ABL2: variants seen among roughly 807,000 people sequenced by gnomAD.
ABL2 encodes the protein ABL proto-oncogene 2, non-receptor tyrosine kinase.
In ABL2, 49 loss-of-function variants were observed where a neutral mutation model predicts 107.7. The ratio of observed to expected loss-of-function variants is 0.45; its 90% CI spans 0.36 to 0.58. The LOEUF (loss-of-function observed/expected upper bound fraction) is 0.58, where lower values mean the gene tolerates loss of function less well. Ranked by LOEUF, ABL2 falls within the 20% of genes least tolerant of loss-of-function variation. ABL2 has a pLI of 0.00. For missense variants in ABL2, 1,245 were observed against 1,457.0 expected, an observed-to-expected ratio of 0.85 and a Z score of 2.37; for synonymous variants, 549 against 548.6, an observed-to-expected ratio of 1.00 and a Z score of -0.01.
chr1:179,122,856 C>T (rs1383965798), intron 4 of ABL2, among the ~76,000 whole-genome samples: 1 of 152,002 alleles, frequency 6.6e-6, no homozygotes, highest in African/African-American at 2.4e-5. Context: ...GATGGGGTTT[C>T]ACCATGTTAG....
chr1:179,193,492 C>T (rs1228989012), intron 1 of ABL2, among the ~76,000 whole-genome samples: 1 of 151,750 alleles, frequency 6.6e-6, no homozygotes, highest in Non-Finnish European at 1.5e-5. Context: ...GCAACCTCTG[C>T]CTCCTGGGTT....
chr1:179,174,998 T>A (rs372033198), intron 1 of ABL2, among the ~76,000 whole-genome samples: 1 of 151,336 alleles, frequency 6.6e-6, no homozygotes, highest in Non-Finnish European at 1.5e-5. Flanking sequence ...AGGGTGCTTA[T>A]CCCCTGATCT....
intron 1 of ABL2, among the ~76,000 whole-genome samples, chr1:179,205,218 G>T (rs569099363): frequency 1.3e-5 from 2 of 152,072 alleles, no homozygotes; most frequent in East Asian, 3.9e-4. Flanking sequence ...GTAGAGACGG[G>T]GTTTCACCAT....
rs77522004 is a variant in ABL2, at chr1:179,150,947, A to G, written c.158-17573T>C. On this transcript the variant is annotated intron_variant, in intron 1 of 11. Transcript: ENST00000502732. ...TGGGGCCAGGCCTTCCACCAAAAAA[A>G]TGATTTGCTGAAGTCTCAGATGATC... 1.4e-4 allele frequency among the ~76,000 whole-genome samples: 22 copies of G among 152,354 alleles called. No homozygotes were observed. The East Asian group carries it at 4.0e-3, about 28-fold the overall frequency.
At chr1:179,203,684 C>T (rs1661797833) in intron 1 of ABL2, among the ~76,000 whole-genome samples, 1 of 152,212 alleles carries the variant, frequency 6.6e-6, no homozygotes. Flanking sequence ...CATGTTCCAG[C>T]TCTGGCCCCA....
In ABL2 at chr1:179,205,029, C is replaced by CTTTT. The variant is rs752957278; in HGVS notation, c.157+24208_157+24211dup. The stretch of plus-strand genomic sequence containing the variant: ...GAGCAAAGTCATTACAACTCTTTTT[C>CTTTT]TTTTTTTTTTTTTTTGAGACTGAGT... On this transcript the variant is annotated intron_variant, in intron 1 of 11. Coordinates refer to ENST00000502732, the MANE Select transcript of ABL2 (RefSeq NM_007314.4). Among the ~76,000 whole-genome samples the CTTTT allele has an allele frequency of 2.2e-5, 3 of 138,210 alleles. 1 individual carries two copies. The highest frequency in any genetic ancestry group is 3.1e-5 in the Non-Finnish European group (2 of 64,454). 90.7% of individuals were successfully genotyped at this position (138,210 alleles called of 152,430 possible).
chr1:179,194,453 A>G (rs1661191455), intron 1 of ABL2, among the ~76,000 whole-genome samples: 1 of 152,250 alleles, frequency 6.6e-6, no homozygotes. Context: ...CTACTGATGG[A>G]GGCTTGAAAA....
intron 1 of ABL2, among the ~76,000 whole-genome samples, chr1:179,165,452 C>T (rs1282771509): frequency 1.3e-5 from 2 of 151,968 alleles, no homozygotes; most frequent in African/African-American, 4.8e-5. Context: ...ACTAGTACAG[C>T]CCCAGATTTT....
chr1:179,229,619 CT>C lies in ABL2; in HGVS notation c.-223del. Reference sequence around the variant, plus strand: ...CTGCTTTTCCCTCCTCCTGTCGCGGCTCCGCGCCCCCAACGCCGCCGCCGCC... The same window carrying C: ...CTGCTTTTCCCTCCTCCTGTCGCGGCCCGCGCCCCCAACGCCGCCGCCGCC... On this transcript the variant is annotated 5_prime_UTR_variant, in exon 1 of 12. It removes the in-frame stop codon of an upstream open reading frame in the 5' UTR. Transcript: ENST00000502732. The C allele has an allele frequency of 1.9e-6, 1 of 520,922 alleles. No homozygotes were observed. Among genetic ancestry groups the C allele is most frequent in the Non-Finnish European group, 3.2e-6 (1 of 310,866 alleles). 32.3% of individuals were successfully genotyped at this position (520,922 alleles called of 1,614,324 possible). A position where few individuals can be genotyped will look rare whatever the true frequency, so the allele number is the denominator to read the frequency against.
intron 1 of ABL2, among the ~76,000 whole-genome samples, chr1:179,211,156 A>T (rs1353710245): frequency 6.6e-6 from 1 of 152,202 alleles, no homozygotes. Flanking sequence ...GAAAGAACAA[A>T]ATAAAACAGA....
intron 1 of ABL2, among the ~76,000 whole-genome samples, chr1:179,181,711 T>C (rs2102798998): frequency 6.6e-6 from 1 of 152,276 alleles, no homozygotes; most frequent in East Asian, 1.9e-4. Flanking sequence ...ATTCATATAA[T>C]CTTGTGACCC....
At chr1:179,155,880 T>G (rs1225585444) in intron 1 of ABL2, among the ~76,000 whole-genome samples, 1 of 152,216 alleles carries the variant, frequency 6.6e-6, no homozygotes, top group Non-Finnish European at 1.5e-5. Flanking sequence ...CACAGTGTCC[T>G]TCCCTTTGGT....
intron 1 of ABL2, among the ~76,000 whole-genome samples, chr1:179,212,132 C>G (rs757603095): frequency 6.6e-6 from 1 of 152,114 alleles, no homozygotes; most frequent in Non-Finnish European, 1.5e-5. Context: ...GGGAAAGCCC[C>G]TTATAAAACT....
At chr1:179,164,206 T>C (rs996039075) in intron 1 of ABL2, among the ~76,000 whole-genome samples, 14 of 152,100 alleles carry the variant, frequency 9.2e-5, no homozygotes, top group African/African-American at 3.4e-4. Flanking sequence ...ATTTTTTAAA[T>C]TAAGAGAAAA....
chr1:179,215,474 C>A (rs2124839616), intron 1 of ABL2, among the ~76,000 whole-genome samples: 1 of 152,308 alleles, frequency 6.6e-6, no homozygotes, highest in East Asian at 1.9e-4. Flanking sequence ...TGGCTCACGC[C>A]TGTAATCCCA....
intron 1 of ABL2, among the ~76,000 whole-genome samples, chr1:179,190,810 G>A (rs1339213373): frequency 5.3e-5 from 8 of 152,030 alleles, no homozygotes; most frequent in Admixed American, 2.6e-4. Context: ...CCGGGGAAAC[G>A]GAATAAAGAC....
intron 1 of ABL2, among the ~76,000 whole-genome samples, chr1:179,162,661 TCA>T (rs1659143416): frequency 6.6e-6 from 1 of 152,200 alleles, no homozygotes; most frequent in South Asian, 2.1e-4. Flanking sequence ...ATTTCTTTTC[TCA>T]CAGATATTCT....
chr1:179,177,773 T>G (rs1660133586), intron 1 of ABL2, among the ~76,000 whole-genome samples: 1 of 152,186 alleles, frequency 6.6e-6, no homozygotes, highest in African/African-American at 2.4e-5. Context: ...TAAAAGTAGC[T>G]TTTTGGTTGG....
In ABL2 at chr1:179,229,632, A is replaced by ACGCCGCCGCCGCCGCCGCCAC. The variant is rs1663445464; in HGVS notation, c.-236_-235insGTGGCGGCGGCGGCGGCGGCG. 2 of 442,870 alleles carry ACGCCGCCGCCGCCGCCGCCAC rather than the reference A, an allele frequency of 4.5e-6. No homozygotes were observed. Among genetic ancestry groups the ACGCCGCCGCCGCCGCCGCCAC allele is most frequent in the African/African-American group, 4.4e-5 (2 of 45,306 alleles). The allele number at this position is 442,870 out of a possible 1,614,324, so 27.4% of individuals were successfully genotyped here. A position where few individuals can be genotyped will look rare whatever the true frequency, so the allele number is the denominator to read the frequency against. Reference sequence around the variant, plus strand: ...CTCCTGTCGCGGCTCCGCGCCCCCAACGCCGCCGCCGCCGCCGCCGCCACC... The same window carrying ACGCCGCCGCCGCCGCCGCCAC: ...CTCCTGTCGCGGCTCCGCGCCCCCAACGCCGCCGCCGCCGCCGCCACCGCCGCCGCCGCCGCCGCCGCCACC... On this transcript the variant is annotated 5_prime_UTR_variant, in exon 1 of 12. Transcript: ENST00000502732.
Sources: allele counts gnomAD v4.1 joint callset (sites outside exome capture counted in the v4.1 genomes callset), GRCh38; gene constraint gnomAD v4.1.1; transcripts MANE v1.5; gene names NCBI Gene and HGNC (gene_info 2026-07-23, HGNC 2026-07-21).